LHX2: variants seen among roughly 807,000 people sequenced by gnomAD.
LHX2 encodes LIM/homeobox protein Lhx2.
Under a neutral mutation model 33.0 loss-of-function variants are expected in LHX2, and 6 were observed. The observed-to-expected ratio is 0.18, with a 90% confidence interval of 0.10 to 0.36. The LOEUF (loss-of-function observed/expected upper bound fraction) is 0.36. Ranked by LOEUF, LHX2 falls within the 10% of genes least tolerant of loss-of-function variation. The pLI, the probability that LHX2 is intolerant of heterozygous loss-of-function variation, is 1.00. For synonymous variants in LHX2, 292 were observed against 253.1 expected, an observed-to-expected ratio of 1.15 and a Z score of -1.46; for missense variants, 442 against 586.2, an observed-to-expected ratio of 0.75 and a Z score of 2.54.
chr9:124,014,201 C>T lies in LHX2; in HGVS notation c.323+38C>T. 1 of 1,391,306 alleles carries T rather than the reference C, an allele frequency of 7.2e-7. No individual in the cohort carries two copies. The highest frequency in any genetic ancestry group is 2.7e-5 in the East Asian group (1 of 37,334). The allele number at this position is 1,391,306 out of a possible 1,614,324, so 86.2% of individuals were successfully genotyped here. ...CCCAACTGCCCCTCAGGACCCCTCC[C>T]CCCAATCTCAGGCACAGTCTTACAG... On this transcript the variant is annotated intron_variant, in intron 2 of 4. Transcript: ENST00000373615. The surrounding 1 kb of genome is among the most constrained non-coding windows in gnomAD (Gnocchi z 4.8).
intron 3 of LHX2, among the ~76,000 whole-genome samples, chr9:124,017,034 T>C (rs555344946): frequency 7.9e-5 from 12 of 152,272 alleles, no homozygotes; most frequent in African/African-American, 2.2e-4. Flanking sequence ...TTTAGGATTG[T>C]GCAAAAAGAG....
At chr9:124,013,195 G>A (rs1378949166) in intron 1 of LHX2, among the ~76,000 whole-genome samples, 1 of 152,250 alleles carries the variant, frequency 6.6e-6, no homozygotes, top group African/African-American at 2.4e-5. Flanking sequence ...ACCTTTAGGA[G>A]GCCGCGGAGG....
intron 4 of LHX2, among the ~76,000 whole-genome samples, chr9:124,028,005 G>A (rs934999267): frequency 6.6e-6 from 1 of 152,150 alleles, no homozygotes; most frequent in Non-Finnish European, 1.5e-5. Context: ...CATCTGAGTG[G>A]ACACTTTGGA....
intron 3 of LHX2, 39 bp from the exon 4 acceptor site, chr9:124,021,060 T>A (rs781089167): frequency 6.3e-7 from 1 of 1,597,062 alleles, no homozygotes; most frequent in East Asian, 2.2e-5. Context: ...GGGGGGCGGG[T>A]CAGGAAGTTC....
At chr9:124,019,546 A>T (rs375792799) in intron 3 of LHX2, among the ~76,000 whole-genome samples, 10 of 152,222 alleles carry the variant, frequency 6.6e-5, no homozygotes, top group African/African-American at 2.4e-4. Context: ...ATAAATGACA[A>T]TTTTTTAGCA....
At chr9:124,028,227 G>T (rs1477050652) in intron 4 of LHX2, among the ~76,000 whole-genome samples, 1 of 152,194 alleles carries the variant, frequency 6.6e-6, no homozygotes, top group Non-Finnish European at 1.5e-5. Context: ...CTGGGAAGGG[G>T]CAAGAAGCAA....
In LHX2 at chr9:124,014,931, G is replaced by C. The variant is rs75531949; in HGVS notation, c.324-191G>C. ...CTCTGTAGGCATAAGTGTGTTAAGG[G>C]AAACTATTTTAGGACAGGACCAGGC... On this transcript the variant is annotated intron_variant, in intron 2 of 4. Coordinates refer to ENST00000373615, the MANE Select transcript of LHX2 (RefSeq NM_004789.4). The surrounding 1 kb of genome is among the most constrained non-coding windows in gnomAD (Gnocchi z 4.8). 0.012 allele frequency among the ~76,000 whole-genome samples: 1,763 copies of C among 152,254 alleles called. 40 individuals carry two copies. Among genetic ancestry groups the C allele is most frequent in the African/African-American group, 0.04 (1,663 of 41,532 alleles).
rs374242964 is a variant in LHX2, at chr9:124,014,174, C to T, written c.323+11C>T. The T allele has an allele frequency of 1.4e-6, 2 of 1,428,834 alleles. No individual in the cohort carries two copies. Among genetic ancestry groups the T allele is most frequent in the Non-Finnish European group, 1.9e-6 (2 of 1,065,718 alleles). 88.5% of individuals were successfully genotyped at this position (1,428,834 alleles called of 1,614,324 possible). On this transcript the variant is annotated intron_variant, in intron 2 of 4. Transcript: ENST00000373615. The surrounding 1 kb of genome is among the most constrained non-coding windows in gnomAD (Gnocchi z 4.8). ...GGAAGACTACTACAGGTAGCCCCCC[C>T]ACCCAACTGCCCCTCAGGACCCCTC...
At chr9:124,029,565 A>T (rs987215654) in intron 4 of LHX2, among the ~76,000 whole-genome samples, 1 of 152,170 alleles carries the variant, frequency 6.6e-6, no homozygotes, top group East Asian at 1.9e-4. Flanking sequence ...CGATGGTGTC[A>T]TTGTTTACAA....
chr9:124,025,209 G>T (rs202103368), intron 4 of LHX2, among the ~76,000 whole-genome samples: 1 of 152,066 alleles, frequency 6.6e-6, no homozygotes, highest in Non-Finnish European at 1.5e-5. Context: ...GAGGCAGGCC[G>T]AGGCGGGCGG....
At position 124,014,224 on chromosome 9, in the gene LHX2, C is replaced by A; in HGVS notation, c.323+61C>A. 8.2e-7 allele frequency: 1 copy of A among 1,215,642 alleles called. No homozygotes were observed. The highest frequency in any genetic ancestry group is 1.2e-6 in the Non-Finnish European group (1 of 842,748). 75.3% of individuals were successfully genotyped at this position (1,215,642 alleles called of 1,614,324 possible). On this transcript the variant is annotated intron_variant, in intron 2 of 4. Coordinates refer to ENST00000373615, the MANE Select transcript of LHX2 (RefSeq NM_004789.4). This position sits in a 1 kb window ranked among gnomAD's most constrained non-coding sequence, Gnocchi z 4.8. ...CCCCCCAATCTCAGGCACAGTCTTACAGTTTGGCCCTCTCCTTTCCGTTTA... is the reference window on the plus strand; with the variant it reads ...CCCCCCAATCTCAGGCACAGTCTTAAAGTTTGGCCCTCTCCTTTCCGTTTA...
At chr9:124,031,477 C>G (rs1045546658) in intron 4 of LHX2, 8 of 151,818 alleles carry the variant, frequency 5.3e-5, no homozygotes, top group South Asian at 4.1e-4. Context: ...AGGAATGTCT[C>G]AAAGAACCAT....
In LHX2 at chr9:124,015,431, T is replaced by C. The variant is rs927454095; in HGVS notation, c.633T>C (p.Leu211=). The C allele has an allele frequency of 6.3e-7, 1 of 1,592,826 alleles. No homozygotes were observed. The highest frequency in any genetic ancestry group is 1.3e-5 in the African/African-American group (1 of 74,152). ...LGAAGANPLG[L]PYYNGVGTVQ... ...CAGCAGGGGCCAACCCTCTGGGTCTTCCCTACTACAATGGCGTGGGCACTG... is the reference window on the plus strand; with the variant it reads ...CAGCAGGGGCCAACCCTCTGGGTCTCCCCTACTACAATGGCGTGGGCACTG... Residue 211 remains leucine, a synonymous_variant, in exon 3 of 5, where the codon CTT becomes CTC. Coordinates refer to ENST00000373615, the MANE Select transcript of LHX2 (RefSeq NM_004789.4). This position sits in a 1 kb window ranked among gnomAD's most constrained non-coding sequence, Gnocchi z 7.9.
chr9:124,031,127 A>G (rs1303319712), intron 4 of LHX2, among the ~76,000 whole-genome samples: 1 of 152,182 alleles, frequency 6.6e-6, no homozygotes. Context: ...TACGGGATGC[A>G]GCAGGTCGGG....
intron 1 of LHX2, among the ~76,000 whole-genome samples, chr9:124,013,414 C>T (rs1451923222): frequency 6.6e-6 from 1 of 152,258 alleles, no homozygotes; most frequent in Non-Finnish European, 1.5e-5. Flanking sequence ...AGGGCCCCAG[C>T]CCGTGTGGCA....
Position 124,032,528 on chromosome 9 carries a change from G to C in LHX2, c.1042G>C (p.Gly348Arg). The C allele has an allele frequency of 6.2e-7, 1 of 1,613,908 alleles. No individual in the cohort carries two copies. The highest frequency in any genetic ancestry group is 8.5e-7 in the Non-Finnish European group (1 of 1,179,996). The change falls in exon 5 of 5, where the codon GGC (glycine) becomes CGC (arginine). Residue 348 changes from glycine (G) to arginine (R), a missense_variant. Physicochemically the swap from Gly to Arg is moderately radical, Grantham distance 125 (BLOSUM62 -2). Around this residue, in one of 5 missense-constraint regions of LHX2, gnomAD observed 109 missense variants for 98.7 expected, o/e 1.10. Transcript: ENST00000373615. The surrounding 1 kb of genome is among the most constrained non-coding windows in gnomAD (Gnocchi z 4.1). ...DAALQTGTPS[G>R]PASELSNASL... ...GGCGCTGCAGACAGGGACGCCATCG[G>C]GCCCGGCCTCGGAGCTCTCCAACGC...
In LHX2 at chr9:124,012,914, G is replaced by C. The variant is rs1476220957; in HGVS notation, c.120+446G>C. Among the ~76,000 whole-genome samples, 2 of 152,198 alleles carry C rather than the reference G, an allele frequency of 1.3e-5. No homozygotes were observed. Among genetic ancestry groups the C allele is most frequent in the African/African-American group, 2.4e-5 (1 of 41,432 alleles). On this transcript the variant is annotated intron_variant, in intron 1 of 4. Coordinates refer to ENST00000373615, the MANE Select transcript of LHX2 (RefSeq NM_004789.4). This position sits in a 1 kb window ranked among gnomAD's most constrained non-coding sequence, Gnocchi z 4.3. ...GCCGCTCCCAGCTTTCCGGCAATCG[G>C]GGATCCTCCTCAACCCCCAGCGCAG...
At chr9:124,021,012 A>G in intron 3 of LHX2, 87 bp from the exon 4 acceptor site, 4 of 1,191,330 alleles carry the variant, frequency 3.4e-6, no homozygotes, top group Non-Finnish European at 3.7e-6. Flanking sequence ...AAGGATTGAA[A>G]TGTTTGGCAG....
Position 124,016,911 on chromosome 9 carries a change from A to T in LHX2, c.727+1386A>T, listed in dbSNP as rs887415730. Among the ~76,000 whole-genome samples the T allele has an allele frequency of 6.6e-6, 1 of 152,160 alleles. No individual in the cohort carries two copies. The highest frequency in any genetic ancestry group is 2.4e-5 in the African/African-American group (1 of 41,450). ...GCTCCCCCAACACCAAGCCGCTTCT[A>T]TTTATCAAGTGGGTCAACTTCCACT... On this transcript the variant is annotated intron_variant, in intron 3 of 4. Transcript: ENST00000373615. This position sits in a 1 kb window ranked among gnomAD's most constrained non-coding sequence, Gnocchi z 4.4.
Sources: gnomAD v4.1 joint callset for allele counts (sites outside exome capture counted in the v4.1 genomes callset) on GRCh38, gnomAD v4.1.1 for gene constraint, gnomAD v4.1.1 regional missense constraint, Gnocchi (gnomAD v3.1) non-coding constraint, MANE v1.5 for transcripts, NCBI Gene and HGNC (gene_info 2026-07-23, HGNC 2026-07-21) for gene names.